UNC5B: variants seen among roughly 807,000 people sequenced by gnomAD.
UNC5B encodes the protein netrin receptor UNC5B.
In UNC5B, 56 loss-of-function variants were observed where a neutral mutation model predicts 103.7. The ratio of observed to expected loss-of-function variants is 0.54; its 90% confidence interval spans 0.44 to 0.67. The LOEUF (loss-of-function observed/expected upper bound fraction) is 0.67. Ranked by LOEUF, UNC5B falls within the 30% of genes least tolerant of loss-of-function variation. The pLI is 0.00. For synonymous variants in UNC5B, 577 were observed against 542.0 expected (o/e 1.06, Z -0.90); for missense variants, 1,194 against 1,284.5 (o/e 0.93, Z 1.08).
rs145424239 is a variant in UNC5B, at chr10:71,287,616, G to C, written c.752G>C (p.Ser251Thr). Residue 251 changes from serine to threonine, a missense_variant, in exon 6 of 17, where the codon AGC (serine) becomes ACC (threonine). Ser to Thr is a moderately conservative substitution (Grantham distance 58). Transcript: ENST00000335350. The stretch of plus-strand genomic sequence containing the variant: ...CTTGCAGTGAATGGCGGCTGGTCCA[G>C]CTGGGCAGAGTGGTCACCCTGCTCC... Reference protein sequence around the residue: ...VIVYVNGGWSSWAEWSPCSNR... With the variant: ...VIVYVNGGWSTWAEWSPCSNR... The C allele has an allele frequency of 1.1e-5, 18 of 1,602,076 alleles. No homozygotes were observed. The African/African-American group carries it at 1.2e-4, about 11-fold the overall frequency.
chr10:71,271,811 C>T lies in UNC5B; in HGVS notation c.80-8010C>T, dbSNP rs563577398. Among the ~76,000 whole-genome samples the T allele has an allele frequency of 7.2e-5, 11 of 152,356 alleles. No homozygotes were observed. The South Asian group carries it at 1.9e-3, about 26-fold the overall frequency. On this transcript the variant is annotated intron_variant, in intron 1 of 16. Transcript: ENST00000335350. ...CCCCAGCTGGCCACCTTGGCGAAGC[C>T]GCTTCCTGTGACAGCAGAGGAAGTG...
rs80232851 is a variant in UNC5B at position 71,280,405 on chromosome 10, A to G, written c.304+360A>G. Among the ~76,000 whole-genome samples, 580 of 152,306 alleles carry G rather than the reference A, an allele frequency of 3.8e-3. 2 individuals carry two copies. The highest frequency in any genetic ancestry group is 5.1e-3 in the Non-Finnish European group (348 of 68,034). Reference sequence around the variant, plus strand: ...CCCCACGGCACCGACCCAGAATTCAATGCAATCGTTATTTTTACAGTTCCC... The same window carrying G: ...CCCCACGGCACCGACCCAGAATTCAGTGCAATCGTTATTTTTACAGTTCCC... On this transcript the variant is annotated intron_variant, in intron 2 of 16. Transcript: ENST00000335350.
intron 1 of UNC5B, among the ~76,000 whole-genome samples, chr10:71,216,555 A>G (rs1843333247): frequency 6.6e-6 from 1 of 152,220 alleles, no homozygotes. Flanking sequence ...GCATGGCCAA[A>G]TAAACATTAG....
rs762851637 is a variant in UNC5B at position 71,286,773 on chromosome 10, C to T, written c.637C>T (p.Arg213Cys). The change falls in exon 5 of 17, where the codon CGC becomes TGC. Residue 213 changes from arginine (R) to cysteine (C), a missense_variant. Transcript: ENST00000335350. ...LLTIDHNLIIRQARLSDTANY... is the reference protein window; with the variant it reads ...LLTIDHNLIICQARLSDTANY... ...CACCATCGACCACAACCTCATCATC[C>T]GCCAGGCCCGCCTGTCGGACACTGC... 38 of 1,614,080 alleles carry T rather than the reference C, an allele frequency of 2.4e-5. No individual in the cohort carries two copies. Among genetic ancestry groups the T allele is most frequent in the South Asian group, 3.3e-5 (3 of 91,078 alleles).
At chr10:71,242,673 A>G (rs1843931714) in intron 1 of UNC5B, among the ~76,000 whole-genome samples, 1 of 152,210 alleles carries the variant, frequency 6.6e-6, no homozygotes, top group Non-Finnish European at 1.5e-5. Context: ...GCGGTCTGCC[A>G]TGGCAGGCCA....
At chr10:71,268,466 G>A (rs760341424) in intron 1 of UNC5B, among the ~76,000 whole-genome samples, 44 of 152,288 alleles carry the variant, frequency 2.9e-4, no homozygotes, top group Middle Eastern at 3.4e-3. Flanking sequence ...GGAGATGAAG[G>A]GTCCCCAGCT....
At position 71,286,850 on chromosome 10, in the gene UNC5B, T is replaced by G; in HGVS notation, c.714T>G (p.Thr238=). Residue 238 remains threonine (T), a synonymous_variant, in exon 5 of 17, where the codon ACT becomes ACG. Transcript: ENST00000335350. ...KNIVAKRRST[T]ATVIVYVNGG... ...TCGTGGCCAAACGCCGGAGCACCAC[T>G]GCCACCGTCATCGTCTACGGTGCGG... 4 of 1,614,078 alleles carry G rather than the reference T, an allele frequency of 2.5e-6. No individual in the cohort carries two copies. Among genetic ancestry groups the G allele is most frequent in the Non-Finnish European group, 3.4e-6 (4 of 1,179,980 alleles).
intron 1 of UNC5B, among the ~76,000 whole-genome samples, chr10:71,245,312 G>C (rs778655832): frequency 6.6e-6 from 1 of 152,222 alleles, no homozygotes; most frequent in Non-Finnish European, 1.5e-5. Context: ...CAATCAGTCT[G>C]CGTTTTGACA....
chr10:71,287,674 C>A lies in UNC5B; in HGVS notation c.810C>A (p.Thr270=), dbSNP rs1845127531. 6 of 1,613,158 alleles carry A rather than the reference C, an allele frequency of 3.7e-6. No individual in the cohort carries two copies. The highest frequency in any genetic ancestry group is 5.1e-6 in the Non-Finnish European group (6 of 1,179,670). ...NRCGRGWQKR[T]RTCTNPAPLN... ...GTGGCCGAGGCTGGCAGAAGCGCAC[C>A]CGGACCTGCACCAACCCCGCTCCAC... Residue 270 remains threonine (T), a synonymous_variant, in exon 6 of 17, where the codon ACC becomes ACA. Transcript: ENST00000335350.
chr10:71,287,760 G>T lies in UNC5B; in HGVS notation c.896G>T (p.Cys299Phe). The change falls in exon 6 of 17, where the codon TGC (cysteine) becomes TTC (phenylalanine). Residue 299 changes from cysteine to phenylalanine, a missense_variant. By Grantham distance (205) the Cys-to-Phe change is radical. Transcript: ENST00000335350. ...CAGAAGACCGCCTGCACCACCATCT[G>T]CCCAGGTAAGGAGCCTTGTCCATGT... ...AFQKTACTTI[C>F]PVDGAWTEWS... 1 of 1,612,256 alleles carries T rather than the reference G, an allele frequency of 6.2e-7. No individual in the cohort carries two copies. Among genetic ancestry groups the T allele is most frequent in the Non-Finnish European group, 8.5e-7 (1 of 1,179,080 alleles).
At chr10:71,223,768 T>G (rs1843496246) in intron 1 of UNC5B, among the ~76,000 whole-genome samples, 1 of 152,220 alleles carries the variant, frequency 6.6e-6, no homozygotes, top group Admixed American at 6.5e-5. Context: ...CTCCCCACCT[T>G]GCCTTCTTGT....
At chr10:71,268,891 C>G (rs1391720261) in intron 1 of UNC5B, among the ~76,000 whole-genome samples, 1 of 152,186 alleles carries the variant, frequency 6.6e-6, no homozygotes, top group Non-Finnish European at 1.5e-5. Context: ...AACACACAGC[C>G]AACTTGACAG....
rs754618825 is a variant in UNC5B at position 71,284,105 on chromosome 10, C to T, written c.305-615C>T. The stretch of plus-strand genomic sequence containing the variant: ...GGTAGGGGAGTGACTGCTGCATAGA[C>T]GAACTTCCGGGCACAGTGGTGGGAG... On this transcript the variant is annotated intron_variant, in intron 2 of 16. Transcript: ENST00000335350. Among the ~76,000 whole-genome samples, 12 of 152,272 alleles carry T rather than the reference C, an allele frequency of 7.9e-5. No individual in the cohort carries two copies. In the East Asian group the frequency reaches 1.9e-3, roughly 25 times the overall value.
At chr10:71,224,295 C>T (rs1843513786) in intron 1 of UNC5B, among the ~76,000 whole-genome samples, 2 of 149,130 alleles carry the variant, frequency 1.3e-5, no homozygotes, top group Non-Finnish European at 3.0e-5. Flanking sequence ...CTGCTGGGCA[C>T]AGTGACCCCT....
In UNC5B at chr10:71,302,841, A is replaced by G. The variant is rs1845609904; in HGVS notation, c.*3564A>G. 1 of 152,214 alleles carries G rather than the reference A, an allele frequency of 6.6e-6. No homozygotes were observed. The highest frequency in any genetic ancestry group is 2.4e-5 in the African/African-American group (1 of 41,446). 9.4% of individuals were successfully genotyped at this position (152,214 alleles called of 1,614,324 possible). On this transcript the variant is annotated 3_prime_UTR_variant, in exon 17 of 17. Transcript: ENST00000335350. ...AACAAAATTAATTTTTATGAAATAA[A>G]TTATATTTCCTAGTCTAATAAAATC...
intron 1 of UNC5B, among the ~76,000 whole-genome samples, chr10:71,274,936 G>A (rs1844734194): frequency 6.6e-6 from 1 of 152,212 alleles, no homozygotes; most frequent in African/African-American, 2.4e-5. Flanking sequence ...CCCCATAAGG[G>A]ATCTTTAAAC....
chr10:71,297,932 T>C lies in UNC5B; in HGVS notation c.2514T>C (p.Thr838=), dbSNP rs777522757. 2 of 1,613,414 alleles carry C rather than the reference T, an allele frequency of 1.2e-6. No homozygotes were observed. Among genetic ancestry groups the C allele is most frequent in the Admixed American group, 1.7e-5 (1 of 59,984 alleles). ...LAETPAGSLD[T]LCSAPGSTVT... is the part of the protein sequence containing the mutation. ...AGACACCTGCTGGCTCCCTGGACAC[T>C]CTCTGCTCTGCCCCTGGCAGCACTG... Residue 838 remains threonine (T), a synonymous_variant, in exon 16 of 17, where the codon ACT becomes ACC. Transcript: ENST00000335350.
chr10:71,260,012 C>CTT (rs1844379372), intron 1 of UNC5B, among the ~76,000 whole-genome samples: 1 of 152,168 alleles, frequency 6.6e-6, no homozygotes, highest in Non-Finnish European at 1.5e-5. Flanking sequence ...GACAAACAAG[C>CTT]CAACTGCCAG....
rs1032126122 is a variant in UNC5B at position 71,223,075 on chromosome 10, C to T, written c.79+10011C>T. On this transcript the variant is annotated intron_variant, in intron 1 of 16. Transcript: ENST00000335350. ...GGAGTCTGTCGGATGGGGCAGCCTG[C>T]GTTCTTTCCTTTTCCTTGTCACCAA... Among the ~76,000 whole-genome samples, 7 of 152,260 alleles carry T rather than the reference C, an allele frequency of 4.6e-5. No individual in the cohort carries two copies. In the East Asian group the frequency reaches 9.6e-4, roughly 21 times the overall value.
Sources: gnomAD v4.1 joint callset for allele counts (sites outside exome capture counted in the v4.1 genomes callset) on GRCh38, gnomAD v4.1.1 for gene constraint, MANE v1.5 for transcripts, NCBI Gene and HGNC (gene_info 2026-07-23, HGNC 2026-07-21) for gene names.